The following ITPA variants were observed in gnomAD, a reference collection of about 807,000 sequenced individuals.
ITPA encodes inosine triphosphatase, also known as inosine triphosphate pyrophosphatase.
Under a neutral mutation model 29.6 loss-of-function variants are expected in ITPA, and 29 were observed. That is an observed-to-expected ratio of 0.98 (90% CI 0.73 to 1.34). The LOEUF is 1.34. ITPA is among the 40% of genes most tolerant of loss of function. ITPA has a pLI of 0.00. For missense variants in ITPA, 241 were observed against 251.5 expected (o/e 0.96, Z 0.28); for synonymous variants, 103 against 99.3 (o/e 1.04, Z -0.22).
At chr20:3,210,956 C>T (rs2067156638) in intron 1 of ITPA, among the ~76,000 whole-genome samples, 1 of 151,126 alleles carries the variant, frequency 6.6e-6, no homozygotes, top group South Asian at 2.1e-4. Context: ...GAGGCTGAGA[C>T]AGGAGAATCG....
chr20:3,205,749 G>A (rs1280328623), upstream of ITPA, among the ~76,000 whole-genome samples: 1 of 152,086 alleles, frequency 6.6e-6, no homozygotes, highest in Non-Finnish European at 1.5e-5. Flanking sequence ...GAACAATGGT[G>A]AGAAAGGGAT....
chr20:3,205,485 T>G (rs1366134358), upstream of ITPA, among the ~76,000 whole-genome samples: 3 of 151,946 alleles, frequency 2.0e-5, no homozygotes, highest in Non-Finnish European at 4.4e-5. Flanking sequence ...TAGGTAGAGG[T>G]GAGCCTAGGA....
chr20:3,213,614 C>T (rs946787934), intron 3 of ITPA, among the ~76,000 whole-genome samples: 1 of 152,168 alleles, frequency 6.6e-6, no homozygotes, highest in Non-Finnish European at 1.5e-5. Context: ...TACACACAGA[C>T]TCCCCTTCCC....
chr20:3,221,214 CTT>C (rs989256246), intron 6 of ITPA, among the ~76,000 whole-genome samples: 1 of 142,008 alleles, frequency 7.0e-6, no homozygotes, highest in African/African-American at 2.9e-5. Context: ...TCTTTTCTTT[CTT>C]TTTTTTTTTT....
downstream of ITPA, among the ~76,000 whole-genome samples, chr20:3,225,961 G>A (rs183794785): frequency 2.6e-5 from 4 of 152,202 alleles, no homozygotes; most frequent in African/African-American, 4.8e-5. Context: ...CCCAGGAGGC[G>A]GAGGTTGCAG....
intron 7 of ITPA, among the ~76,000 whole-genome samples, chr20:3,222,667 C>G (rs1373025160): frequency 2.6e-5 from 4 of 152,164 alleles, no homozygotes; most frequent in African/African-American, 9.7e-5. Flanking sequence ...AAGGCACGGG[C>G]CATTGTTGGA....
chr20:3,225,885 C>T (rs576721872), downstream of ITPA, among the ~76,000 whole-genome samples: 1 of 152,188 alleles, frequency 6.6e-6, no homozygotes, highest in African/African-American at 2.4e-5. Context: ...AAAAATTAGC[C>T]AGGCATAGTG....
upstream of ITPA, among the ~76,000 whole-genome samples, chr20:3,206,441 C>A (rs1315543715): frequency 6.8e-6 from 1 of 146,642 alleles, no homozygotes; most frequent in Non-Finnish European, 1.5e-5. Context: ...GCCTACAATC[C>A]CAACCAACAC....
downstream of ITPA, among the ~76,000 whole-genome samples, chr20:3,226,232 C>G (rs1381450010): frequency 6.6e-6 from 1 of 152,132 alleles, no homozygotes; most frequent in Admixed American, 6.6e-5. The surrounding 1 kb of genome is among the most constrained non-coding windows in gnomAD (Gnocchi z 4.4). Context: ...TCTGAAGCTA[C>G]CTCCTGGCAG....
At chr20:3,218,415 C>CT (rs899979478) in intron 5 of ITPA, 102 bp from the exon 6 acceptor site, 5 of 842,124 alleles carry the variant, frequency 5.9e-6, no homozygotes, top group Non-Finnish European at 1.0e-5. Context: ...CTAATTTCCC[C>CT]TTTTAGGGAA....
intron 1 of ITPA, among the ~76,000 whole-genome samples, chr20:3,210,420 T>C (rs1368753284): frequency 6.6e-6 from 1 of 152,212 alleles, no homozygotes; most frequent in East Asian, 1.9e-4. Flanking sequence ...CCGACTGGCT[T>C]TGCTTGAATC....
At chr20:3,222,208 G>A (rs1320523397) in intron 7 of ITPA, among the ~76,000 whole-genome samples, 1 of 151,628 alleles carries the variant, frequency 6.6e-6, no homozygotes, top group Non-Finnish European at 1.5e-5. Context: ...TGGCTTGTAA[G>A]CTGTACATCT....
chr20:3,208,551 T>G (rs2067104410), upstream of ITPA, among the ~76,000 whole-genome samples: 1 of 152,154 alleles, frequency 6.6e-6, no homozygotes. Context: ...AATTTTGTAC[T>G]TTTTGGTAGA....
At chr20:3,218,700 C>A (rs1243612560) in intron 6 of ITPA, 68 bp downstream of exon 6, 1 of 1,241,928 alleles carries the variant, frequency 8.1e-7, no homozygotes, top group Non-Finnish European at 1.2e-6. Flanking sequence ...GAGCCGACCG[C>A]CCCGAGTCTG....
At chr20:3,204,558 T>G (rs745989131), upstream of ITPA, 1 of 1,575,144 alleles carries the variant, frequency 6.3e-7, no homozygotes, top group South Asian at 1.1e-5. Context: ...CGGCCCCGGC[T>G]GCGAGTCAGG....
At chr20:3,204,480 G>C (rs74787085), upstream of ITPA, 4,103 of 1,512,242 alleles carry the variant, frequency 2.7e-3, 116 homozygotes, top group African/African-American at 0.052. Context: ...GGTCCACAAA[G>C]GCTCAGAAGG....
upstream of ITPA, among the ~76,000 whole-genome samples, chr20:3,207,007 C>T (rs2067075936): frequency 6.6e-6 from 1 of 151,858 alleles, no homozygotes; most frequent in African/African-American, 2.4e-5. Context: ...GAGCAAGACT[C>T]CATCTCAAAA....
At chr20:3,204,488 A>G (rs1311086783), upstream of ITPA, 1 of 1,523,674 alleles carries the variant, frequency 6.6e-7, no homozygotes, top group Admixed American at 2.0e-5. Context: ...AAGGCTCAGA[A>G]GGCCAGAAAA....
Position 3,219,471 on chromosome 20 carries a change from G to A in ITPA, c.411+839G>A, listed in dbSNP as rs1023670901. ...AAAAAATTTTAAAATGAGGCCGGGCGTGATGGCTCACATCTGTAATCCCAG... is the reference window on the plus strand; with the variant it reads ...AAAAAATTTTAAAATGAGGCCGGGCATGATGGCTCACATCTGTAATCCCAG... On this transcript the variant is annotated intron_variant, in intron 6 of 7. Transcript: ENST00000380113. 5.3e-5 allele frequency among the ~76,000 whole-genome samples: 8 copies of A among 151,972 alleles called. No homozygotes were observed. The South Asian group carries it at 6.2e-4, about 12-fold the overall frequency.
Sources: allele counts gnomAD v4.1 joint callset (sites outside exome capture counted in the v4.1 genomes callset), GRCh38; gene constraint gnomAD v4.1.1; non-coding constraint Gnocchi (gnomAD v3.1); transcripts MANE v1.5; gene names NCBI Gene and HGNC (gene_info 2026-07-23, HGNC 2026-07-21).